MOCOS: variants seen among roughly 807,000 people sequenced by gnomAD.
MOCOS encodes the protein molybdenum cofactor sulfurase, also known as human molybdenum cofactor sulfurase.
MOCOS carries 86 observed loss-of-function variants against 83.6 expected under a neutral mutation model. The ratio of observed to expected loss-of-function variants is 1.03; its 90% CI spans 0.86 to 1.23. MOCOS has a LOEUF of 1.23. MOCOS is among the 50% of genes most tolerant of loss of function. MOCOS has a pLI of 0.00. For missense variants in MOCOS, 1,120 were observed against 1,126.9 expected, an observed-to-expected ratio of 0.99 and a Z score of 0.09; for synonymous variants, 445 against 434.7, an observed-to-expected ratio of 1.02 and a Z score of -0.29.
In MOCOS at chr18:36,200,050, C is replaced by G. The variant is rs77632154; in HGVS notation, c.667C>G (p.Arg223Gly). 3.7e-6 allele frequency: 6 copies of G among 1,614,180 alleles called. No individual in the cohort carries two copies. In the Admixed American group the frequency reaches 5.0e-5, roughly 13 times the overall value. ...LSWIEEVKSG[R>G]LHPVSTPGKW... ...CTGGATAGAAGAGGTCAAGTCTGGG[C>G]GGTTGCACCCTGTGAGCACGCCTGG... Residue 223 changes from arginine (R) to glycine (G), a missense_variant, in exon 4 of 15, where the codon CGG becomes GGG. Physicochemically the swap from Arg to Gly is moderately radical, Grantham distance 125. Coordinates refer to ENST00000261326, the MANE Select transcript of MOCOS (RefSeq NM_017947.4).
At chr18:36,256,168 A>G (rs1026058955) in intron 11 of MOCOS, among the ~76,000 whole-genome samples, 6 of 152,084 alleles carry the variant, frequency 3.9e-5, no homozygotes, top group African/African-American at 1.4e-4. Context: ...CTGGGATTAC[A>G]GGAGTGAGCC....
chr18:36,201,373 A>T (rs534751740), intron 4 of MOCOS, among the ~76,000 whole-genome samples: 78 of 152,248 alleles, frequency 5.1e-4, no homozygotes, highest in African/African-American at 1.7e-3. Context: ...AGTAGAAATG[A>T]TAATATTGGG....
rs2091650452 is a variant in MOCOS, at chr18:36,258,377, G to A, written c.2270+1304G>A. Among the ~76,000 whole-genome samples, 3 of 152,112 alleles carry A rather than the reference G, an allele frequency of 2.0e-5. No homozygotes were observed. The South Asian group carries it at 6.2e-4, about 32-fold the overall frequency. On this transcript the variant is annotated intron_variant, in intron 12 of 14. Coordinates refer to ENST00000261326, the MANE Select transcript of MOCOS (RefSeq NM_017947.4). ...TTGGACATAAAACATGCCCTTTTAC[G>A]AAGCCCAAAGTGAGGGTTTATAACC...
chr18:36,239,754 C>T (rs1420787455), intron 9 of MOCOS, among the ~76,000 whole-genome samples: 1 of 149,212 alleles, frequency 6.7e-6, no homozygotes, highest in East Asian at 1.9e-4. Context: ...CCATTCTCCC[C>T]ATCACTTTCA....
chr18:36,238,991 G>A (rs1432327414), intron 9 of MOCOS, among the ~76,000 whole-genome samples: 23 of 151,700 alleles, frequency 1.5e-4, no homozygotes, highest in African/African-American at 4.4e-4. Flanking sequence ...TGCTTGGTAG[G>A]TCTTCCTCCA....
At chr18:36,231,571 G>GT (rs2091537856) in intron 9 of MOCOS, among the ~76,000 whole-genome samples, 2 of 152,206 alleles carry the variant, frequency 1.3e-5, no homozygotes, top group African/African-American at 4.8e-5. Flanking sequence ...TTGTTTGTTT[G>GT]TTTTTTAGCA....
At position 36,258,085 on chromosome 18, in the gene MOCOS, TCTC is replaced by T. The variant is rs150139367; in HGVS notation, c.2270+1016_2270+1018del. ...AGTTCTTCTGGCACTGAGGGACCCT[TCTC>T]CTCAGGCATCCAGAGTCCTGGAAAA... On this transcript the variant is annotated intron_variant, in intron 12 of 14. Coordinates refer to ENST00000261326, the MANE Select transcript of MOCOS (RefSeq NM_017947.4). Among the ~76,000 whole-genome samples, 824 of 152,236 alleles carry T rather than the reference TCTC, an allele frequency of 5.4e-3. 5 individuals are homozygous for T. The highest frequency in any genetic ancestry group is 0.019 in the African/African-American group (784 of 41,538).
At chr18:36,240,854 C>A (rs1466578920) in intron 9 of MOCOS, among the ~76,000 whole-genome samples, 1 of 152,130 alleles carries the variant, frequency 6.6e-6, no homozygotes, top group African/African-American at 2.4e-5. Flanking sequence ...TTTTTAAGCC[C>A]ATCGGAAAAG....
At position 36,220,112 on chromosome 18, in the gene MOCOS, G is replaced by C. The variant is rs745784239; in HGVS notation, c.1855G>C (p.Val619Leu). 1.2e-6 allele frequency: 2 copies of C among 1,614,040 alleles called. No homozygotes were observed. The highest frequency in any genetic ancestry group is 1.7e-6 in the Non-Finnish European group (2 of 1,180,028). Reference protein sequence around the residue: ...GLLYDRSWMVVNHNGVCLSQK... With the variant: ...GLLYDRSWMVLNHNGVCLSQK... ...GCTATATGACCGGAGCTGGATGGTT[G>C]TGAATCACAATGGTGTTTGCCTGAG... The change falls in exon 9 of 15, where the codon GTG (valine) becomes CTG (leucine). Residue 619 changes from valine to leucine, a missense_variant. Physicochemically the swap from Val to Leu is conservative, Grantham distance 32. Coordinates refer to ENST00000261326, the MANE Select transcript of MOCOS (RefSeq NM_017947.4).
intron 1 of MOCOS, among the ~76,000 whole-genome samples, chr18:36,192,600 T>C (rs2091370448): frequency 6.6e-6 from 1 of 152,200 alleles, no homozygotes; most frequent in Non-Finnish European, 1.5e-5. Context: ...ACAAGCTGAT[T>C]CTAAAATTTA....
At chr18:36,213,223 G>A (rs2091461791) in intron 6 of MOCOS, 143 bp from the exon 7 acceptor site, 2 of 729,364 alleles carry the variant, frequency 2.7e-6, no homozygotes, top group East Asian at 2.7e-5. Context: ...CGTTTAACCT[G>A]TGATAAATCA....
chr18:36,269,214 G>C lies in MOCOS; in HGVS notation c.*529G>C, dbSNP rs1321161387. On this transcript the variant is annotated 3_prime_UTR_variant, in exon 15 of 15. Transcript: ENST00000261326. The stretch of plus-strand genomic sequence containing the variant: ...AACTTGTGACCACATTCCTTGAGGG[G>C]AGTTTCTACCAGAATATTTATATTC... 6.3e-6 allele frequency: 1 copy of C among 159,692 alleles called. No homozygotes were observed. The highest frequency in any genetic ancestry group is 1.4e-5 in the Non-Finnish European group (1 of 72,576). 9.9% of individuals were successfully genotyped at this position (159,692 alleles called of 1,614,324 possible).
intron 9 of MOCOS, among the ~76,000 whole-genome samples, chr18:36,235,239 A>C: frequency 7.1e-6 from 1 of 139,878 alleles, no homozygotes; most frequent in East Asian, 2.2e-4. Context: ...CCACTAACTC[A>C]TCATCTAGCA....
At chr18:36,267,293 TGTTATG>T (rs2091685175) in intron 14 of MOCOS, among the ~76,000 whole-genome samples, 1 of 152,228 alleles carries the variant, frequency 6.6e-6, no homozygotes, top group Admixed American at 6.5e-5. Flanking sequence ...AACAAAGTGT[TGTTATG>T]AATTCCAGAT....
intron 9 of MOCOS, among the ~76,000 whole-genome samples, chr18:36,221,335 T>A (rs896185411): frequency 2.0e-5 from 3 of 152,208 alleles, no homozygotes; most frequent in Admixed American, 2.0e-4. Context: ...TTTTAGCAAA[T>A]CTTAACATTT....
At chr18:36,198,543 G>A in intron 2 of MOCOS, 147 bp from the exon 3 acceptor site, 2 of 785,048 alleles carry the variant, frequency 2.5e-6, no homozygotes, top group South Asian at 2.9e-5. Context: ...TCATTTTTGA[G>A]GGATAGAAAT....
intron 11 of MOCOS, among the ~76,000 whole-genome samples, chr18:36,254,644 G>A (rs914429664): frequency 6.6e-6 from 1 of 150,980 alleles, no homozygotes; most frequent in African/African-American, 2.4e-5. Flanking sequence ...CTGTCTTTTA[G>A]TGGTCAGTCT....
chr18:36,204,125 C>T (rs977702654), intron 5 of MOCOS, among the ~76,000 whole-genome samples: 1 of 152,184 alleles, frequency 6.6e-6, no homozygotes, highest in African/African-American at 2.4e-5. Flanking sequence ...GTGTACAACT[C>T]AGTCGTAGTA....
Position 36,203,168 on chromosome 18 carries a change from G to T in MOCOS, c.997G>T (p.Asp333Tyr). 1 of 1,614,134 alleles carries T rather than the reference G, an allele frequency of 6.2e-7. No individual in the cohort carries two copies. ...LDVIALKHGF[D>Y]TLERLTGGME... ...TGTTATCGCGCTAAAACATGGATTT[G>T]ACACCCTAGAGCGCCTCACAGGTCA... The change falls in exon 5 of 15, where the codon GAC (aspartate) becomes TAC (tyrosine). Residue 333 changes from aspartate (D) to tyrosine (Y), a missense_variant. Coordinates refer to ENST00000261326, the MANE Select transcript of MOCOS (RefSeq NM_017947.4).
Sources: allele counts gnomAD v4.1 joint callset (sites outside exome capture counted in the v4.1 genomes callset), GRCh38; gene constraint gnomAD v4.1.1; transcripts MANE v1.5; gene names NCBI Gene and HGNC (gene_info 2026-07-23, HGNC 2026-07-21).